The following ANKRD36 variants were observed in gnomAD, a reference collection of about 807,000 sequenced individuals.
The protein encoded by ANKRD36 is ankyrin repeat domain-containing protein 36A.
Under a neutral mutation model 278.1 loss-of-function variants are expected in ANKRD36, and 179 were observed. The ratio of observed to expected loss-of-function variants is 0.64; its 90% CI spans 0.57 to 0.73. The LOEUF (loss-of-function observed/expected upper bound fraction) is 0.73. Ranked by LOEUF, ANKRD36 falls within the 30% of genes least tolerant of loss-of-function variation. ANKRD36 has a pLI of 0.00. For synonymous variants in ANKRD36, 320 were observed against 641.1 expected (o/e 0.50, Z 7.57); for missense variants, 1,159 against 1,956.7 (o/e 0.59, Z 7.69).
chr2:97,114,303 G>A (rs926221664), intron 1 of ANKRD36, among the ~76,000 whole-genome samples: 1 of 110,176 alleles, frequency 9.1e-6, no homozygotes, highest in African/African-American at 3.6e-5. Flanking sequence ...AGGGGTGGGG[G>A]TGAATGGGGT....
chr2:97,194,627 C>A lies in ANKRD36; in HGVS notation c.2450-99C>A, dbSNP rs141284612. ...GAAGCCATCAAAGCGTACACTAATA[C>A]AGGCAGGAGGACAGAGGTTGATGCT... On this transcript the variant is annotated intron_variant, in intron 38 of 75. Transcript: ENST00000420699. 5,866 of 1,575,410 alleles carry A rather than the reference C, an allele frequency of 3.7e-3. 251 individuals are homozygous for A. In the East Asian group the frequency reaches 0.09, roughly 24 times the overall value.
At chr2:97,206,794 T>C (rs1016915976) in intron 52 of ANKRD36, among the ~76,000 whole-genome samples, 1 of 151,474 alleles carries the variant, frequency 6.6e-6, no homozygotes, top group East Asian at 1.9e-4. Context: ...TACTCCCCTT[T>C]GTTACTATTA....
intron 46 of ANKRD36, among the ~76,000 whole-genome samples, chr2:97,200,845 G>T (rs1315980556): frequency 6.6e-6 from 1 of 151,914 alleles, no homozygotes; most frequent in Non-Finnish European, 1.5e-5. Flanking sequence ...AGGAGAAAGA[G>T]AGGAAGTACA....
At chr2:97,203,958 A>C (rs545380954) in intron 48 of ANKRD36, 110 bp from the exon 49 acceptor site, 117 of 1,477,660 alleles carry the variant, frequency 7.9e-5, no homozygotes, top group African/African-American at 4.3e-4. Flanking sequence ...CCATCAAAGC[A>C]TACGCTAATA....
intron 5 of ANKRD36, 121 bp from the exon 6 acceptor site, chr2:97,126,946 A>C (rs1244689392): frequency 2.6e-6 from 1 of 389,912 alleles, no homozygotes; most frequent in Non-Finnish European, 4.4e-6. Flanking sequence ...CTTACAAAAG[A>C]GAAGTGTATA....
intron 22 of ANKRD36, among the ~76,000 whole-genome samples, chr2:97,173,428 T>A (rs535397711): frequency 1.3e-5 from 2 of 151,444 alleles, no homozygotes; most frequent in Non-Finnish European, 3.0e-5. Flanking sequence ...TGTGAAAGAG[T>A]GTCTATGGGA....
chr2:97,133,057 T>G (rs1185900893), intron 6 of ANKRD36, among the ~76,000 whole-genome samples: 2 of 152,080 alleles, frequency 1.3e-5, no homozygotes, highest in East Asian at 3.9e-4. Context: ...AGTGAGCTAC[T>G]TTTCTCAGGA....
Position 97,211,445 on chromosome 2 carries a change from T to C in ANKRD36, c.3368-101T>C, listed in dbSNP as rs1450852502. ...TAGAAGCCGTCAAGGCCTACACTAA[T>C]ACAGGCTGGGGGACAGAGTTTGATG... On this transcript the variant is annotated intron_variant, in intron 56 of 75. Transcript: ENST00000420699. 4.6e-6 allele frequency: 7 copies of C among 1,526,114 alleles called. No homozygotes were observed. In the African/African-American group the frequency reaches 9.7e-5, roughly 21 times the overall value. 94.5% of individuals were successfully genotyped at this position (1,526,114 alleles called of 1,614,324 possible).
intron 50 of ANKRD36, among the ~76,000 whole-genome samples, 173 bp from the exon 51 acceptor site, chr2:97,205,767 C>G (rs2062678921): frequency 1.3e-5 from 2 of 151,414 alleles, no homozygotes; most frequent in Non-Finnish European, 3.0e-5. Flanking sequence ...GCCTGTATTC[C>G]CTTTTCTCAG....
chr2:97,200,442 A>G lies in ANKRD36; in HGVS notation c.2785-11A>G, dbSNP rs758469941. 19 of 1,597,814 alleles carry G rather than the reference A, an allele frequency of 1.2e-5. 1 individual carries two copies. The highest frequency in any genetic ancestry group is 4.5e-5 in the South Asian group (4 of 89,380). ...TACCTTATTTATTACTTTGTTTCAA[A>G]TTCCATTCAGGCCACAAGTGATGAG... On this transcript the variant is annotated splice_polypyrimidine_tract_variant and intron_variant, in intron 45 of 75. Coordinates refer to ENST00000420699, the MANE Select transcript of ANKRD36 (RefSeq NM_001354587.1).
intron 32 of ANKRD36, 93 bp downstream of exon 32, chr2:97,187,494 G>GGGGGGGAGGC: frequency 1.0e-5 from 1 of 95,518 alleles, no homozygotes; most frequent in Non-Finnish European, 2.1e-5. Flanking sequence ...GGGTGGGGGG[G>GGGGGGGAGGC]CTCGCCGAAG....
intron 1 of ANKRD36, among the ~76,000 whole-genome samples, chr2:97,117,013 C>T (rs181951955): frequency 8.2e-4 from 124 of 151,094 alleles, no homozygotes; most frequent in African/African-American, 2.8e-3. Flanking sequence ...AAAATGGAAG[C>T]GTTAGGACTT....
chr2:97,198,328 G>A (rs2060377846), intron 42 of ANKRD36, 135 bp from the exon 43 acceptor site: 1 of 1,516,004 alleles, frequency 6.6e-7, no homozygotes, highest in Non-Finnish European at 8.9e-7. Context: ...CTAGTCCCCA[G>A]ACACAAAGTA....
intron 17 of ANKRD36, among the ~76,000 whole-genome samples, chr2:97,161,869 T>C (rs1357485742): frequency 6.6e-6 from 1 of 152,274 alleles, no homozygotes; most frequent in East Asian, 1.9e-4. Flanking sequence ...GCTGTCACTG[T>C]ATTTTATTGA....
chr2:97,157,130 C>CCTCTCT (rs564270958), intron 15 of ANKRD36, among the ~76,000 whole-genome samples: 1 of 67,262 alleles, frequency 1.5e-5, no homozygotes, highest in African/African-American at 3.3e-5. Context: ...GTTTTTTTTT[C>CCTCTCT]CTCTCTCTCT....
At chr2:97,145,672 A>G (rs1417816466) in intron 10 of ANKRD36, among the ~76,000 whole-genome samples, 1 of 152,062 alleles carries the variant, frequency 6.6e-6, no homozygotes, top group Non-Finnish European at 1.5e-5. Context: ...TATTTTGTGT[A>G]AGTATATCAA....
chr2:97,131,331 T>C (rs1208668853), intron 6 of ANKRD36, among the ~76,000 whole-genome samples: 2 of 151,992 alleles, frequency 1.3e-5, no homozygotes, highest in African/African-American at 4.8e-5. Flanking sequence ...GTGAGACTGC[T>C]ACAAGCATAT....
chr2:97,149,352 G>C lies in ANKRD36; in HGVS notation c.1092G>C (p.Leu364Phe), dbSNP rs546396536. Residue 364 changes from leucine to phenylalanine, a missense_variant, in exon 12 of 76, where the codon TTG (leucine) becomes TTC (phenylalanine). Transcript: ENST00000420699. ...CTGTGACAGAGAATGAGTTTTCTTT[G>C]GAATCTGAGGTAGAGTACTCTCTTG... ...AQPVTENEFS[L>F]ESEIISKLYI... 8 of 1,532,814 alleles carry C rather than the reference G, an allele frequency of 5.2e-6. No individual in the cohort carries two copies. In the African/African-American group the frequency reaches 1.1e-4, roughly 21 times the overall value. 95.0% of individuals were successfully genotyped at this position (1,532,814 alleles called of 1,614,324 possible). A position where few individuals can be genotyped will look rare whatever the true frequency, so the allele number is the denominator to read the frequency against.
At position 97,191,016 on chromosome 2, in the gene ANKRD36, C is replaced by G. The variant is rs769459425; in HGVS notation, c.2274+10C>G. The G allele has an allele frequency of 1.9e-6, 3 of 1,604,976 alleles. No homozygotes were observed. Among genetic ancestry groups the G allele is most frequent in the Non-Finnish European group, 2.6e-6 (3 of 1,175,762 alleles). On this transcript the variant is annotated intron_variant, in intron 35 of 75. Transcript: ENST00000420699. The stretch of plus-strand genomic sequence containing the variant: ...ACAACCAGCCTTGAAGGTAATTAAA[C>G]TCTCATTTATATTGTGAACTAGTAA...
Sources: gnomAD v4.1 joint callset for allele counts (sites outside exome capture counted in the v4.1 genomes callset) on GRCh38, gnomAD v4.1.1 for gene constraint, MANE v1.5 for transcripts, NCBI Gene and HGNC (gene_info 2026-07-23, HGNC 2026-07-21) for gene names.